Variants in RAP1GAP observed in about 807,000 individuals in gnomAD.
RAP1GAP encodes the protein rap1 GTPase-activating protein 1.
A neutral mutation model predicts 87.2 loss-of-function variants in RAP1GAP; 35 were observed. The observed-to-expected ratio is 0.40, with a 90% CI of 0.31 to 0.53. The LOEUF (loss-of-function observed/expected upper bound fraction) is 0.53, where lower values mean the gene tolerates loss of function less well. Ranked by LOEUF, RAP1GAP falls within the 20% of genes least tolerant of loss-of-function variation. The pLI, the probability that RAP1GAP is intolerant of heterozygous loss-of-function variation, is 0.48. For synonymous variants in RAP1GAP, 375 were observed against 363.9 expected (o/e 1.03, Z -0.35); for missense variants, 734 against 898.9 (o/e 0.82, Z 2.35).
Position 21,613,546 on chromosome 1 carries a change from G to A in RAP1GAP, c.474+82C>T, listed in dbSNP as rs2079828500. The A allele has an allele frequency of 7.7e-7, 1 of 1,301,126 alleles. No homozygotes were observed. Among genetic ancestry groups the A allele is most frequent in the Non-Finnish European group, 1.1e-6 (1 of 897,964 alleles). The allele number at this position is 1,301,126 out of a possible 1,614,324, so 80.6% of individuals were successfully genotyped here. A position where few individuals can be genotyped will look rare whatever the true frequency, so the allele number is the denominator to read the frequency against. On this transcript the variant is annotated intron_variant, in intron 9 of 24. Transcript: ENST00000374765. The surrounding 1 kb of genome is among the most constrained non-coding windows in gnomAD (Gnocchi z 4.7). ...CAGGGCTAGGGCCTACAGCTGAAGG[G>A]GACGCGCCAAGGCAAGCTGAAGCCC...
intron 1 of RAP1GAP, chr1:21,651,687 C>T: frequency 7.4e-7 from 1 of 1,345,482 alleles, no homozygotes; most frequent in Non-Finnish European, 1.0e-6. Context: ...GCCCACCCGC[C>T]CAAACGCGAG....
At chr1:21,600,323 G>A (rs767347589) in intron 20 of RAP1GAP, among the ~76,000 whole-genome samples, 4 of 152,116 alleles carry the variant, frequency 2.6e-5, no homozygotes, top group Non-Finnish European at 4.4e-5. Context: ...TGCATACTGC[G>A]TCTCCCTGGT....
At chr1:21,662,548 C>T (rs767624924) in intron 1 of RAP1GAP, among the ~76,000 whole-genome samples, 37 of 152,066 alleles carry the variant, frequency 2.4e-4, no homozygotes, top group Non-Finnish European at 4.9e-4. Context: ...GGGCACTGGG[C>T]CCCAGGGATA....
In RAP1GAP at chr1:21,598,396, G is replaced by C. The variant is rs1213891900; in HGVS notation, c.1879+4C>G. ...TTTGTGGGGAAGCTGCCTTGTCCTGGTACCTGGGGAGCTGCCCCCACTAGT... is the reference window on the plus strand; with the variant it reads ...TTTGTGGGGAAGCTGCCTTGTCCTGCTACCTGGGGAGCTGCCCCCACTAGT... On this transcript the variant is annotated splice_donor_region_variant and intron_variant, in intron 22 of 24. Coordinates refer to ENST00000374765, the MANE Select transcript of RAP1GAP (RefSeq NM_002885.4). 1.2e-6 allele frequency: 2 copies of C among 1,610,124 alleles called. No individual in the cohort carries two copies. Among genetic ancestry groups the C allele is most frequent in the Admixed American group, 3.3e-5 (2 of 60,006 alleles).
At chr1:21,629,714 C>T (rs191526682) in intron 2 of RAP1GAP, among the ~76,000 whole-genome samples, 9 of 152,330 alleles carry the variant, frequency 5.9e-5, no homozygotes, top group East Asian at 1.9e-4. Flanking sequence ...CACGTCCTGC[C>T]GGGCGTCTTG....
intron 3 of RAP1GAP, among the ~76,000 whole-genome samples, chr1:21,621,805 G>T (rs2087904064): frequency 6.6e-6 from 1 of 151,656 alleles, no homozygotes; most frequent in Non-Finnish European, 1.5e-5. Context: ...GTGACCAAAC[G>T]TAGCCAGGAA....
At chr1:21,605,597 C>T (rs2073905148) in intron 18 of RAP1GAP, among the ~76,000 whole-genome samples, 1 of 151,902 alleles carries the variant, frequency 6.6e-6, no homozygotes, top group South Asian at 2.1e-4. Context: ...ACAGTAGATG[C>T]TCACAGAGTG....
intron 1 of RAP1GAP, chr1:21,651,732 A>C (rs1301712081): frequency 2.0e-5 from 27 of 1,351,740 alleles, no homozygotes; most frequent in Non-Finnish European, 2.6e-5. Flanking sequence ...ACGCGTGCAC[A>C]CGCACACGCG....
At chr1:21,649,695 G>A in intron 2 of RAP1GAP, 66 bp downstream of exon 2, 2 of 1,492,744 alleles carry the variant, frequency 1.3e-6, no homozygotes, top group African/African-American at 2.8e-5. Context: ...GGTAGGAATG[G>A]ATTGGGGGTA....
At chr1:21,620,396 T>G (rs1340467803) in intron 3 of RAP1GAP, among the ~76,000 whole-genome samples, 3 of 151,800 alleles carry the variant, frequency 2.0e-5, no homozygotes, top group Non-Finnish European at 4.4e-5. Flanking sequence ...CCAGGAGGGG[T>G]CTATGCTTCT....
Position 21,613,590 on chromosome 1 carries a change from G to A in RAP1GAP, c.474+38C>T, listed in dbSNP as rs760224990. The stretch of plus-strand genomic sequence containing the variant: ...GAAGCCCCACAGGTGCCCATCTGCG[G>A]AGCCAGCCCGGGAAGCTCAGCGGAG... On this transcript the variant is annotated intron_variant, in intron 9 of 24. Coordinates refer to ENST00000374765, the MANE Select transcript of RAP1GAP (RefSeq NM_002885.4). This position sits in a 1 kb window ranked among gnomAD's most constrained non-coding sequence, Gnocchi z 4.7. 9 of 1,567,014 alleles carry A rather than the reference G, an allele frequency of 5.7e-6. No homozygotes were observed. The highest frequency in any genetic ancestry group is 7.9e-6 in the Non-Finnish European group (9 of 1,137,560).
chr1:21,604,781 A>G (rs886349735), intron 18 of RAP1GAP, among the ~76,000 whole-genome samples: 1 of 151,222 alleles, frequency 6.6e-6, no homozygotes, highest in Non-Finnish European at 1.5e-5. Context: ...TAAAGGATGG[A>G]TGGATGGATG....
At chr1:21,597,920 G>C (rs897900485) in intron 23 of RAP1GAP, 41 bp downstream of exon 23, 3 of 1,535,604 alleles carry the variant, frequency 2.0e-6, no homozygotes, top group South Asian at 2.4e-5. Context: ...CCCCTCCCGG[G>C]TGGGGCTCCC....
At chr1:21,623,460 T>C (rs751090177) in intron 3 of RAP1GAP, among the ~76,000 whole-genome samples, 25 of 152,250 alleles carry the variant, frequency 1.6e-4, no homozygotes, top group Admixed American at 3.9e-4. Context: ...CTTCCTGAAC[T>C]GTGGCCAAGC....
At chr1:21,621,510 AC>A (rs1378274281) in intron 3 of RAP1GAP, among the ~76,000 whole-genome samples, 1 of 152,076 alleles carries the variant, frequency 6.6e-6, no homozygotes, top group Non-Finnish European at 1.5e-5. Context: ...ACCTTGTAAA[AC>A]CCACCACAGG....
rs1355769151 is a variant in RAP1GAP at position 21,622,327 on chromosome 1, C to T, written c.-18-2277G>A. On this transcript the variant is annotated intron_variant, in intron 3 of 24. Coordinates refer to ENST00000374765, the MANE Select transcript of RAP1GAP (RefSeq NM_002885.4). This position sits in a 1 kb window ranked among gnomAD's most constrained non-coding sequence, Gnocchi z 5.7. ...GGGTCCCTCCGCCATGCCGCCCCGC[C>T]CGGGTCCTCACCTGCCAGCTGGCCC... 1 of 506,352 alleles carries T rather than the reference C, an allele frequency of 2.0e-6. No individual in the cohort carries two copies. The allele number at this position is 506,352 out of a possible 1,614,324, so 31.4% of individuals were successfully genotyped here.
intron 2 of RAP1GAP, among the ~76,000 whole-genome samples, chr1:21,631,633 C>T (rs2093753539): frequency 6.6e-6 from 1 of 152,286 alleles, no homozygotes; most frequent in East Asian, 1.9e-4. Context: ...TTGCAGTGAG[C>T]CGAGATTGCG....
chr1:21,601,022 C>CTT lies in RAP1GAP; in HGVS notation c.1652+660_1652+661dup, dbSNP rs139287802. On this transcript the variant is annotated intron_variant, in intron 20 of 24. Coordinates refer to ENST00000374765, the MANE Select transcript of RAP1GAP (RefSeq NM_002885.4). ...GTCCAGGCCCAGCCCCTCAGATACT[C>CTT]TTTTTTTTTTTTTTAAGCAATGGAG... Among the ~76,000 whole-genome samples, 403 of 141,800 alleles carry CTT rather than the reference C, an allele frequency of 2.8e-3. 2 individuals are homozygous for CTT. The highest frequency in any genetic ancestry group is 5.3e-3 in the African/African-American group (201 of 38,198). 93.0% of individuals were successfully genotyped at this position (141,800 alleles called of 152,430 possible). A position where few individuals can be genotyped will look rare whatever the true frequency, so the allele number is the denominator to read the frequency against.
At chr1:21,598,639 A>G (rs1646736377) in intron 21 of RAP1GAP, 137 bp from the exon 22 acceptor site, 2 of 715,930 alleles carry the variant, frequency 2.8e-6, no homozygotes, top group Middle Eastern at 3.8e-4. Context: ...GGGCCTAGCC[A>G]TGTCTGCCCC....
Sources: gnomAD v4.1 joint callset for allele counts (sites outside exome capture counted in the v4.1 genomes callset) on GRCh38, gnomAD v4.1.1 for gene constraint, Gnocchi (gnomAD v3.1) non-coding constraint, MANE v1.5 for transcripts, NCBI Gene and HGNC (gene_info 2026-07-23, HGNC 2026-07-21) for gene names.